PRIM2: variants seen among roughly 807,000 people sequenced by gnomAD.
The protein encoded by PRIM2 is DNA primase large subunit.
A neutral mutation model predicts 67.3 loss-of-function variants in PRIM2; 39 were observed. The ratio of observed to expected loss-of-function variants is 0.58; its 90% CI spans 0.45 to 0.76. The LOEUF is 0.76. PRIM2 is among the 30% of genes least tolerant of loss of function. The pLI, the probability that PRIM2 is intolerant of heterozygous loss-of-function variation, is 0.00. For synonymous variants in PRIM2, 143 were observed against 198.7 expected, an observed-to-expected ratio of 0.72 and a Z score of 2.36; for missense variants, 398 against 598.7, an observed-to-expected ratio of 0.66 and a Z score of 3.50.
chr6:57,379,920 C>A lies in PRIM2; in HGVS notation c.479C>A (p.Thr160Asn), dbSNP rs773184362. Residue 160 changes from threonine (T) to asparagine (N), a missense_variant, in exon 6 of 14, where the codon ACT becomes AAT. Coordinates refer to ENST00000615550, the MANE Select transcript of PRIM2 (RefSeq NM_000947.5). Reference protein sequence around the residue: ...QFEAISDEEKTLREQEIVASS... With the variant: ...QFEAISDEEKNLREQEIVASS... Reference sequence around the variant, plus strand: ...TTTTAGATAAGTGATGAAGAGAAGACTCTTCGAGAACAGGAGATTGTTGCC... The same window carrying A: ...TTTTAGATAAGTGATGAAGAGAAGAATCTTCGAGAACAGGAGATTGTTGCC... The A allele has an allele frequency of 1.9e-6, 3 of 1,553,120 alleles. No homozygotes were observed. The Admixed American group carries it at 5.9e-5, about 30-fold the overall frequency.
chr6:57,562,231 A>G (rs1372883390), intron 10 of PRIM2, among the ~76,000 whole-genome samples: 1 of 152,224 alleles, frequency 6.6e-6, no homozygotes, highest in Non-Finnish European at 1.5e-5. Context: ...AAAAATTAAG[A>G]GAATTACCAA....
the PRIM2 span, among the ~76,000 whole-genome samples, chr6:57,241,007 G>A: frequency 5.9e-4 from 90 of 151,948 alleles, no homozygotes; most frequent in Non-Finnish European, 1.1e-3. Context: ...GGCAGATCAC[G>A]AGGTCAGGAG....
At chr6:57,346,410 C>G (rs1768680209) in intron 5 of PRIM2, among the ~76,000 whole-genome samples, 1 of 152,096 alleles carries the variant, frequency 6.6e-6, no homozygotes, top group Non-Finnish European at 1.5e-5. Context: ...TCCTCCGCCT[C>G]CTGGGTTCAA....
chr6:57,411,643 AT>A (rs1418770157), intron 7 of PRIM2, among the ~76,000 whole-genome samples: 4 of 151,988 alleles, frequency 2.6e-5, no homozygotes, highest in Admixed American at 2.6e-4. Context: ...ACTTGATTAC[AT>A]TGATTAAAAC....
chr6:57,242,922 A>G, the PRIM2 span, among the ~76,000 whole-genome samples: 1 of 152,234 alleles, frequency 6.6e-6, no homozygotes, highest in Non-Finnish European at 1.5e-5. Context: ...TGTTTTAAAT[A>G]TCTTTTGTGA....
At chr6:57,306,927 G>C in the PRIM2 span, among the ~76,000 whole-genome samples, 1 of 152,174 alleles carries the variant, frequency 6.6e-6, no homozygotes, top group Non-Finnish European at 1.5e-5. Flanking sequence ...TTGGCCAGGC[G>C]TAGTGGCTCA....
At chr6:57,355,549 T>G (rs1769004717) in intron 5 of PRIM2, among the ~76,000 whole-genome samples, 1 of 152,168 alleles carries the variant, frequency 6.6e-6, no homozygotes, top group Admixed American at 6.5e-5. Context: ...GCTTGTCTTT[T>G]TCTTAGAGTG....
At chr6:57,235,272 G>A in the PRIM2 span, among the ~76,000 whole-genome samples, 1 of 152,136 alleles carries the variant, frequency 6.6e-6, no homozygotes, top group Non-Finnish European at 1.5e-5. Flanking sequence ...AGACCAGCCT[G>A]GCCAACATGG....
intron 5 of PRIM2, among the ~76,000 whole-genome samples, chr6:57,363,618 G>C (rs1417022365): frequency 6.6e-6 from 1 of 152,092 alleles, no homozygotes; most frequent in Non-Finnish European, 1.5e-5. Flanking sequence ...GAAATCAGCT[G>C]TTAGTCTAAC....
At chr6:57,597,924 T>G (rs1776396160) in intron 10 of PRIM2, among the ~76,000 whole-genome samples, 1 of 152,246 alleles carries the variant, frequency 6.6e-6, no homozygotes, top group Non-Finnish European at 1.5e-5. Flanking sequence ...TTTATTTCTA[T>G]CTACATGATA....
At chr6:57,270,824 G>A in the PRIM2 span, among the ~76,000 whole-genome samples, 42,739 of 152,010 alleles carry the variant, frequency 0.28, 6,650 homozygotes, top group East Asian at 0.61. Flanking sequence ...TTTATTGAGA[G>A]TTTTTAGCAT....
At chr6:57,431,539 T>A (rs1209745906) in intron 7 of PRIM2, among the ~76,000 whole-genome samples, 1 of 152,034 alleles carries the variant, frequency 6.6e-6, no homozygotes, top group Admixed American at 6.6e-5. Context: ...ACCCAGCTAC[T>A]TGGGGGGCTC....
chr6:57,351,177 T>G (rs1364845678), intron 5 of PRIM2, among the ~76,000 whole-genome samples: 3 of 151,974 alleles, frequency 2.0e-5, no homozygotes, highest in Non-Finnish European at 4.4e-5. Context: ...AGATGTGTTT[T>G]GGATTTCTAT....
the PRIM2 span, among the ~76,000 whole-genome samples, chr6:57,265,120 T>C: frequency 4.0e-4 from 61 of 152,246 alleles, no homozygotes; most frequent in Non-Finnish European, 7.3e-4. Context: ...TTATCATTAA[T>C]AACAACTAGA....
At chr6:57,396,980 G>A (rs1163120426) in intron 7 of PRIM2, among the ~76,000 whole-genome samples, 4 of 152,164 alleles carry the variant, frequency 2.6e-5, no homozygotes, top group African/African-American at 9.7e-5. Flanking sequence ...GTTTGAGGAG[G>A]TGGAAGACAG....
intron 12 of PRIM2, among the ~76,000 whole-genome samples, chr6:57,615,921 G>A (rs1175663578): frequency 2.0e-5 from 3 of 152,040 alleles, no homozygotes; most frequent in Non-Finnish European, 1.5e-5. Context: ...AATACATAAA[G>A]TTTATAGGAA....
chr6:57,336,064 A>C lies in PRIM2; in HGVS notation c.459+10019A>C, dbSNP rs181283501. 1.3e-3 allele frequency among the ~76,000 whole-genome samples: 196 copies of C among 152,340 alleles called. 4 individuals are homozygous for C. The East Asian group carries it at 0.017, about 13-fold the overall frequency. On this transcript the variant is annotated intron_variant, in intron 5 of 13. Transcript: ENST00000615550. ...GGCTCGAGAACTACGTGAAGAATGC[A>C]GAAGCCTCAGGAGCCGATGCGATCA... is the stretch of plus-strand genomic sequence containing the variant.
At chr6:57,348,520 A>G (rs35377829) in intron 5 of PRIM2, among the ~76,000 whole-genome samples, 2 of 152,216 alleles carry the variant, frequency 1.3e-5, no homozygotes, top group East Asian at 1.9e-4. Context: ...TTTCAAACTG[A>G]GCCTTTCACA....
At chr6:57,559,777 G>C (rs1775592438) in intron 10 of PRIM2, among the ~76,000 whole-genome samples, 1 of 152,180 alleles carries the variant, frequency 6.6e-6, no homozygotes, top group South Asian at 2.1e-4. Flanking sequence ...AGTCTATTAA[G>C]TGTGCAATAG....
Sources: gnomAD v4.1 joint callset for allele counts (sites outside exome capture counted in the v4.1 genomes callset) on GRCh38, gnomAD v4.1.1 for gene constraint, MANE v1.5 for transcripts, NCBI Gene and HGNC (gene_info 2026-07-23, HGNC 2026-07-21) for gene names.